The following FGR variants were observed in gnomAD, a reference collection of about 807,000 sequenced individuals.
FGR encodes tyrosine-protein kinase Fgr.
In FGR, 26 loss-of-function variants were observed where a neutral mutation model predicts 63.2. The observed-to-expected ratio is 0.41, with a 90% CI of 0.30 to 0.57. The LOEUF (loss-of-function observed/expected upper bound fraction) is 0.57. Ranked by LOEUF, FGR falls within the 20% of genes least tolerant of loss-of-function variation. The pLI, the probability that FGR is intolerant of heterozygous loss-of-function variation, is 0.27. For synonymous variants in FGR, 286 were observed against 277.7 expected (o/e 1.03, Z -0.30); for missense variants, 511 against 690.8 (o/e 0.74, Z 2.92).
chr1:27,621,860 C>T (rs540568953), intron 4 of FGR, among the ~76,000 whole-genome samples: 6 of 152,228 alleles, frequency 3.9e-5, no homozygotes, highest in Admixed American at 1.3e-4. Context: ...GGAATAAGCT[C>T]GGGGGCACTT....
In FGR at chr1:27,617,068, G is replaced by A. The variant is rs2089827445; in HGVS notation, c.533-62C>T. ...CTGCCCTAGTCTGGGAGCTGGGAGAGGCCCGACAGCAGCATCCCTAGGACC... is the reference window on the plus strand; with the variant it reads ...CTGCCCTAGTCTGGGAGCTGGGAGAAGCCCGACAGCAGCATCCCTAGGACC... On this transcript the variant is annotated intron_variant, in intron 6 of 12. Transcript: ENST00000374005. The surrounding 1 kb of genome is among the most constrained non-coding windows in gnomAD (Gnocchi z 4.5). 1 of 1,608,618 alleles carries A rather than the reference G, an allele frequency of 6.2e-7. No homozygotes were observed. The highest frequency in any genetic ancestry group is 8.5e-7 in the Non-Finnish European group (1 of 1,176,218).
At position 27,623,832 on chromosome 1, in the gene FGR, C is replaced by T. The variant is rs745374693; in HGVS notation, c.85G>A (p.Gly29Arg). ...TCAGGCCCATAGTGGTCTGCTGCCCCGTAGCTTCTGAAGTCCCCTTCCAGG... is the reference window on the plus strand; with the variant it reads ...TCAGGCCCATAGTGGTCTGCTGCCCTGTAGCTTCTGAAGTCCCCTTCCAGG... Reference protein sequence around the residue: ...AGLEGDFRSYGAADHYGPDPT... With the variant: ...AGLEGDFRSYRAADHYGPDPT... Residue 29 changes from glycine to arginine, a missense_variant, in exon 3 of 13, where the codon GGG (glycine) becomes AGG (arginine). Transcript: ENST00000374005. 17 of 1,614,020 alleles carry T rather than the reference C, an allele frequency of 1.1e-5. No homozygotes were observed. In the East Asian group the frequency reaches 1.8e-4, roughly 17 times the overall value.
chr1:27,618,786 G>A (rs2089863530), intron 5 of FGR, among the ~76,000 whole-genome samples: 1 of 152,094 alleles, frequency 6.6e-6, no homozygotes, highest in Non-Finnish European at 1.5e-5. Flanking sequence ...CTTCCCCAAA[G>A]GAAACTATTC....
chr1:27,624,044 C>G (rs1216939872), intron 2 of FGR, 115 bp from the exon 3 acceptor site: 3 of 871,284 alleles, frequency 3.4e-6, no homozygotes, highest in Non-Finnish European at 5.2e-6. Flanking sequence ...CCCTCTTGGG[C>G]CTAGATTGGG....
At chr1:27,630,284 A>G (rs1368539222) in intron 1 of FGR, among the ~76,000 whole-genome samples, 1 of 152,004 alleles carries the variant, frequency 6.6e-6, no homozygotes, top group Non-Finnish European at 1.5e-5. Context: ...CGATCTCCTG[A>G]CCTCGTGATC....
At chr1:27,619,841 A>T (rs2089887179) in intron 5 of FGR, among the ~76,000 whole-genome samples, 2 of 152,150 alleles carry the variant, frequency 1.3e-5, no homozygotes, top group African/African-American at 4.8e-5. Flanking sequence ...CCTTAAGGAG[A>T]CTTTGAGCCA....
At chr1:27,634,080 G>A (rs1364049704) in intron 1 of FGR, among the ~76,000 whole-genome samples, 1 of 151,870 alleles carries the variant, frequency 6.6e-6, no homozygotes, top group Non-Finnish European at 1.5e-5. Context: ...TACCTCGGTC[G>A]GGAAGCCCAC....
At chr1:27,622,078 C>A (rs1318948774) in intron 4 of FGR, among the ~76,000 whole-genome samples, 1 of 152,038 alleles carries the variant, frequency 6.6e-6, no homozygotes, top group Non-Finnish European at 1.5e-5. Flanking sequence ...TTGGGAGGCC[C>A]AGGCAGGCAG....
At position 27,615,066 on chromosome 1, in the gene FGR, C is replaced by T. The variant is rs1464852768; in HGVS notation, c.1019-140G>A. ...ACCCCGCGGGTGCCTCAACCCCTCACTTGTCTCGTCCTGGCCCTGCTGCCA... is the reference window on the plus strand; with the variant it reads ...ACCCCGCGGGTGCCTCAACCCCTCATTTGTCTCGTCCTGGCCCTGCTGCCA... On this transcript the variant is annotated intron_variant, in intron 9 of 12. Coordinates refer to ENST00000374005, the MANE Select transcript of FGR (RefSeq NM_005248.3). The surrounding 1 kb of genome is among the most constrained non-coding windows in gnomAD (Gnocchi z 7.6). 2.9e-6 allele frequency: 2 copies of T among 687,582 alleles called. No individual in the cohort carries two copies. The highest frequency in any genetic ancestry group is 3.4e-5 in the South Asian group (2 of 59,186). The allele number at this position is 687,582 out of a possible 1,614,324, so 42.6% of individuals were successfully genotyped here.
chr1:27,624,078 C>T (rs933960864), intron 2 of FGR, 149 bp from the exon 3 acceptor site: 50 of 624,230 alleles, frequency 8.0e-5, no homozygotes, highest in East Asian at 2.8e-4. Flanking sequence ...GGGATAAAGG[C>T]GGAACTGGGC....
Position 27,617,175 on chromosome 1 carries a change from G to A in FGR, c.532+18C>T, listed in dbSNP as rs1304326784. ...GGCTGGGCCTCCCAGTCGCCTTGGGGCGTGGCACCACCCCTACCTTTGGTG... is the reference window on the plus strand; with the variant it reads ...GGCTGGGCCTCCCAGTCGCCTTGGGACGTGGCACCACCCCTACCTTTGGTG... On this transcript the variant is annotated intron_variant, in intron 6 of 12. Coordinates refer to ENST00000374005, the MANE Select transcript of FGR (RefSeq NM_005248.3). This position sits in a 1 kb window ranked among gnomAD's most constrained non-coding sequence, Gnocchi z 4.5. 7 of 1,611,292 alleles carry A rather than the reference G, an allele frequency of 4.3e-6. No homozygotes were observed. Among genetic ancestry groups the A allele is most frequent in the South Asian group, 1.1e-5 (1 of 91,040 alleles).
Position 27,614,557 on chromosome 1 carries a change from T to C in FGR, c.1122A>G (p.Glu374=), listed in dbSNP as rs774399386. The change falls in exon 11 of 13, where the codon GAA becomes GAG. Residue 374 remains glutamate, a synonymous_variant. Coordinates refer to ENST00000374005, the MANE Select transcript of FGR (RefSeq NM_005248.3). ...GGTCGCGGTGAATGTAGTTCATGCGTTCCATGTAGGCCATGCCCTCAGCTA... is the reference window on the plus strand; with the variant it reads ...GGTCGCGGTGAATGTAGTTCATGCGCTCCATGTAGGCCATGCCCTCAGCTA... ...AQVAEGMAYM[E]RMNYIHRDLR... is the part of the protein sequence containing the mutation. 6.2e-7 allele frequency: 1 copy of C among 1,614,034 alleles called. No individual in the cohort carries two copies. Among genetic ancestry groups the C allele is most frequent in the South Asian group, 1.1e-5 (1 of 91,054 alleles).
intron 1 of FGR, among the ~76,000 whole-genome samples, chr1:27,625,430 G>A (rs761558392): frequency 5.3e-5 from 8 of 152,132 alleles, no homozygotes; most frequent in South Asian, 2.1e-4. Flanking sequence ...ATGAGTGTGC[G>A]TGCCAACCCC....
chr1:27,628,516 TACACACACACACACACACACACACAC>T (rs56021900), intron 1 of FGR, among the ~76,000 whole-genome samples: 1 of 91,212 alleles, frequency 1.1e-5, no homozygotes, highest in Non-Finnish European at 2.2e-5. Context: ...CATGTAGGGA[TACACACACACACACACACACACACAC>T]ACACACACAC....
chr1:27,620,458 T>C (rs1012177924), intron 5 of FGR, among the ~76,000 whole-genome samples: 1 of 151,398 alleles, frequency 6.6e-6, no homozygotes, highest in Non-Finnish European at 1.5e-5. Flanking sequence ...TATAAAAAAA[T>C]ATACAAAAAT....
chr1:27,617,234 G>A lies in FGR; in HGVS notation c.491C>T (p.Pro164Leu). 1 of 1,614,178 alleles carries A rather than the reference G, an allele frequency of 6.2e-7. No homozygotes were observed. The highest frequency in any genetic ancestry group is 8.5e-7 in the Non-Finnish European group (1 of 1,180,018). The stretch of plus-strand genomic sequence containing the variant: ...TTCCCGAATGAGAAAGGCCCCCTGG[G>A]GGTTGCCTGGTGAAAGCAGCTGCCT... ...AERQLLSPGN[P>L]QGAFLIRESE... is the part of the protein sequence containing the mutation. Residue 164 changes from proline (P) to leucine (L), a missense_variant, in exon 6 of 13, where the codon CCC becomes CTC. Pro to Leu is a moderately conservative substitution (Grantham distance 98, BLOSUM62 -3). Coordinates refer to ENST00000374005, the MANE Select transcript of FGR (RefSeq NM_005248.3). This position sits in a 1 kb window ranked among gnomAD's most constrained non-coding sequence, Gnocchi z 4.5.
chr1:27,626,950 T>G (rs2090030746), intron 1 of FGR, among the ~76,000 whole-genome samples: 1 of 152,000 alleles, frequency 6.6e-6, no homozygotes, highest in Non-Finnish European at 1.5e-5. Context: ...GATGATTGCT[T>G]GAGCCCAGGA....
chr1:27,621,048 C>CAAAAAG (rs539496593), intron 5 of FGR, among the ~76,000 whole-genome samples: 15 of 74,916 alleles, frequency 2.0e-4, no homozygotes, highest in Admixed American at 1.9e-3. Context: ...AAAAGAAAAA[C>CAAAAAG]AAAAAGAAAA....
At chr1:27,622,579 C>T (rs534131980) in intron 4 of FGR, among the ~76,000 whole-genome samples, 1 of 152,222 alleles carries the variant, frequency 6.6e-6, no homozygotes, top group Admixed American at 6.5e-5. Context: ...AATCTCAGCT[C>T]ACTGCAACCT....
Sources: gnomAD v4.1 joint callset for allele counts (sites outside exome capture counted in the v4.1 genomes callset) on GRCh38, gnomAD v4.1.1 for gene constraint, Gnocchi (gnomAD v3.1) non-coding constraint, MANE v1.5 for transcripts, NCBI Gene and HGNC (gene_info 2026-07-23, HGNC 2026-07-21) for gene names.